CLCNKA: variants seen among roughly 807,000 people sequenced by gnomAD.
The protein encoded by CLCNKA is chloride channel protein ClC-Ka.
Under a neutral mutation model 83.3 loss-of-function variants are expected in CLCNKA, and 66 were observed. The ratio of observed to expected loss-of-function variants is 0.79; its 90% CI spans 0.65 to 0.97. CLCNKA has a LOEUF of 0.97. Ranked by LOEUF, CLCNKA falls within the 50% of genes least tolerant of loss-of-function variation. The pLI is 0.00. For missense variants in CLCNKA, 806 were observed against 888.7 expected, an observed-to-expected ratio of 0.91 and a Z score of 1.18; for synonymous variants, 357 against 370.4, an observed-to-expected ratio of 0.96 and a Z score of 0.42.
intron 7 of CLCNKA, 160 bp downstream of exon 7, chr1:16,026,935 G>A (rs2022384103): frequency 1.1e-6 from 1 of 937,020 alleles, no homozygotes; most frequent in Admixed American, 2.2e-5. Flanking sequence ...GGGGGCGGCG[G>A]GGCGGGGCGG....
intron 15 of CLCNKA, 100 bp downstream of exon 15, chr1:16,030,774 C>T (rs2022591751): frequency 6.7e-7 from 1 of 1,488,966 alleles, no homozygotes; most frequent in South Asian, 1.2e-5. Context: ...CCGCAGCTGA[C>T]CTCCGACATG....
At chr1:16,024,262 C>T (rs935919015) in intron 3 of CLCNKA, among the ~76,000 whole-genome samples, 1 of 152,264 alleles carries the variant, frequency 6.6e-6, no homozygotes, top group African/African-American at 2.4e-5. Flanking sequence ...GATCACCAAA[C>T]TTGGAGTCTT....
intron 11 of CLCNKA, 36 bp downstream of exon 11, chr1:16,028,881 A>G (rs1164118005): frequency 1.9e-6 from 3 of 1,605,134 alleles, no homozygotes; most frequent in Non-Finnish European, 2.6e-6. Flanking sequence ...AGGAGTGGGA[A>G]CCCCCATTTG....
Position 16,026,115 on chromosome 1 carries a change from A to G in CLCNKA, c.366A>G (p.Gly122=). The change falls in exon 5 of 20, where the codon GGA becomes GGG. Residue 122 remains glycine, a synonymous_variant. Coordinates refer to ENST00000331433, the MANE Select transcript of CLCNKA (RefSeq NM_004070.4). ...CTGTCCTGTCTGGCTAAGGTTCTGG[A>G]ATCCCGGAGCTGAAGACCATGTTGG... ...QSITPSSGGS[G]IPELKTMLAG... 2.5e-6 allele frequency: 4 copies of G among 1,612,532 alleles called. No homozygotes were observed. Among genetic ancestry groups the G allele is most frequent in the Non-Finnish European group, 3.4e-6 (4 of 1,180,000 alleles).
At position 16,030,626 on chromosome 1, in the gene CLCNKA, T is replaced by C. The variant is rs2022585729; in HGVS notation, c.1574T>C (p.Ile525Thr). Reference protein sequence around the residue: ...CQPSFYDGTIIVKKLPYLPRI... With the variant: ...CQPSFYDGTITVKKLPYLPRI... ...CCCTCCTTCTATGATGGCACCATCATTGTCAAGAAGCTGCCATACCTGCCA... is the reference window on the plus strand; with the variant it reads ...CCCTCCTTCTATGATGGCACCATCACTGTCAAGAAGCTGCCATACCTGCCA... Residue 525 changes from isoleucine to threonine, a missense_variant, in exon 15 of 20, where the codon ATT (isoleucine) becomes ACT (threonine). Transcript: ENST00000331433. The C allele has an allele frequency of 3.7e-6, 6 of 1,613,108 alleles. No homozygotes were observed. In the East Asian group the frequency reaches 1.1e-4, roughly 30 times the overall value.
Position 16,033,044 on chromosome 1 carries a change from G to A in CLCNKA, c.1930-126G>A, listed in dbSNP as rs1170541398. 2.0e-5 allele frequency: 20 copies of A among 997,768 alleles called. 1 individual carries two copies. 61.8% of individuals were successfully genotyped at this position (997,768 alleles called of 1,614,324 possible). The stretch of plus-strand genomic sequence containing the variant: ...GCCCACACTGGACATTGCAGGCCTG[G>A]GTCTGTTGCCTCCCACACATATCAG... On this transcript the variant is annotated intron_variant, in intron 18 of 19. Transcript: ENST00000331433.
chr1:16,029,513 C>T (rs2022524086), intron 12 of CLCNKA, among the ~76,000 whole-genome samples: 1 of 152,174 alleles, frequency 6.6e-6, no homozygotes. Context: ...ACTGGGAAGG[C>T]AGAGAAGGAA....
intron 19 of CLCNKA, 114 bp downstream of exon 19, chr1:16,033,370 A>G (rs2022715321): frequency 2.4e-6 from 3 of 1,258,862 alleles, no homozygotes; most frequent in Non-Finnish European, 3.4e-6. Context: ...GGGGATTCAG[A>G]GGATACTTAT....
intron 10 of CLCNKA, 65 bp from the exon 11 acceptor site, chr1:16,028,696 T>C: frequency 1.3e-6 from 2 of 1,591,450 alleles, no homozygotes; most frequent in Admixed American, 1.7e-5. Flanking sequence ...GACCAGGTCC[T>C]ACTTCCCTCT....
intron 3 of CLCNKA, 30 bp from the exon 4 acceptor site, chr1:16,024,733 G>A (rs767884262): frequency 1.2e-6 from 2 of 1,613,292 alleles, no homozygotes; most frequent in Non-Finnish European, 1.7e-6. Context: ...AGAGGCTGTG[G>A]GTGCCTCCCT....
At chr1:16,033,319 G>A in intron 19 of CLCNKA, 63 bp downstream of exon 19, 2 of 1,533,626 alleles carry the variant, frequency 1.3e-6, no homozygotes, top group South Asian at 1.1e-5. Flanking sequence ...TGGGGAGATG[G>A]GGAGGTGGGG....
intron 1 of CLCNKA, 69 bp from the exon 2 acceptor site, chr1:16,022,544 A>G: frequency 8.6e-7 from 1 of 1,158,192 alleles, no homozygotes; most frequent in African/African-American, 1.5e-5. Context: ...AGAGCACTGG[A>G]AGGGCCCAGA....
At chr1:16,029,520 G>A (rs575118291) in intron 12 of CLCNKA, among the ~76,000 whole-genome samples, 11 of 152,320 alleles carry the variant, frequency 7.2e-5, no homozygotes, top group African/African-American at 2.2e-4. Context: ...AGGCAGAGAA[G>A]GAAGAAAGGA....
chr1:16,023,556 C>G (rs1338852940), intron 2 of CLCNKA, among the ~76,000 whole-genome samples: 1 of 152,226 alleles, frequency 6.6e-6, no homozygotes, highest in Non-Finnish European at 1.5e-5. Context: ...TAGCTCCAGG[C>G]TCACTCAGTG....
rs769067548 is a variant in CLCNKA, at chr1:16,033,231, C to T, written c.1991C>T (p.Ala664Val). 8.1e-6 allele frequency: 13 copies of T among 1,613,988 alleles called. No individual in the cohort carries two copies. In the South Asian group the frequency reaches 1.3e-4, roughly 16 times the overall value. The change falls in exon 19 of 20, where the codon GCT (alanine) becomes GTT (valine). Residue 664 changes from alanine to valine, a missense_variant. Transcript: ENST00000331433. ...CTCTTCGTGACATCGCGGGGCAGAG[C>T]TGTGGGCTGCGTGTCCTGGGTGGAG... ...QSLFVTSRGRAVGCVSWVEMK... is the reference protein window; with the variant it reads ...QSLFVTSRGRVVGCVSWVEMK...
rs745654489 is a variant in CLCNKA, at chr1:16,028,109, C to G, written c.958C>G (p.Leu320Val). ...GACCAATCGGTACAGCTCCAAACTGCTGGCTACTAGGTAGGCTCTGGGCTA... is the reference window on the plus strand; with the variant it reads ...GACCAATCGGTACAGCTCCAAACTGGTGGCTACTAGGTAGGCTCTGGGCTA... The part of the protein sequence containing the change: ...IKTNRYSSKL[L>V]ATSKPVYSAL... Residue 320 changes from leucine (L) to valine (V), a missense_variant, in exon 10 of 20, where the codon CTG becomes GTG. By Grantham distance (32) the Leu-to-Val change is conservative. Transcript: ENST00000331433. 1.3e-6 allele frequency: 2 copies of G among 1,551,180 alleles called. No individual in the cohort carries two copies. The highest frequency in any genetic ancestry group is 2.2e-5 in the South Asian group (2 of 90,468).
chr1:16,030,372 C>G, intron 14 of CLCNKA, 89 bp from the exon 15 acceptor site: 1 of 1,518,794 alleles, frequency 6.6e-7, no homozygotes. Flanking sequence ...CACCCTAGCC[C>G]CCGGCAGCAG....
At chr1:16,026,957 C>A (rs1186536952) in intron 7 of CLCNKA, 182 bp downstream of exon 7, 2 of 770,194 alleles carry the variant, frequency 2.6e-6, no homozygotes, top group South Asian at 1.7e-5. Flanking sequence ...TGGTTGGGGG[C>A]GTGGTTGGGC....
intron 18 of CLCNKA, 126 bp downstream of exon 18, chr1:16,032,652 C>T: frequency 2.6e-6 from 2 of 779,116 alleles, no homozygotes; most frequent in Non-Finnish European, 4.5e-6. Context: ...CCTGCTCCTC[C>T]TGGGCCTGGA....
Sources: allele counts gnomAD v4.1 joint callset (sites outside exome capture counted in the v4.1 genomes callset), GRCh38; gene constraint gnomAD v4.1.1; transcripts MANE v1.5; gene names NCBI Gene and HGNC (gene_info 2026-07-23, HGNC 2026-07-21).